Variants in SPRR2G observed in about 807,000 individuals in gnomAD.
SPRR2G encodes small proline-rich protein 2G.
A neutral mutation model predicts 0.7 loss-of-function variants in SPRR2G; 1 was observed. The observed-to-expected ratio is 1.49, with a 90% CI of 0.53 to 7.06. The LOEUF is 7.06. Ranked by LOEUF, SPRR2G falls within the 30% of genes most tolerant of loss-of-function variation. The pLI is 0.14. For synonymous variants in SPRR2G, 38 were observed against 33.9 expected (o/e 1.12, Z -0.42); for missense variants, 96 against 88.5 (o/e 1.09, Z -0.34).
chr1:153,159,335 C>A, the SPRR2G span, among the ~76,000 whole-genome samples: 1 of 152,194 alleles, frequency 6.6e-6, no homozygotes, highest in African/African-American at 2.4e-5. Context: ...AGCATAGCAG[C>A]AGTGACCTTT....
the SPRR2G span, among the ~76,000 whole-genome samples, chr1:153,177,147 G>T: frequency 6.6e-6 from 1 of 152,162 alleles, no homozygotes; most frequent in Non-Finnish European, 1.5e-5. Context: ...GCTAAACATA[G>T]TGTCTTGATA....
Position 153,149,722 on chromosome 1 carries a change from C to A in SPRR2G, c.*167G>T. On this transcript the variant is annotated 3_prime_UTR_variant, in exon 2 of 2. Coordinates refer to ENST00000368748, the MANE Select transcript of SPRR2G (RefSeq NM_001014291.4). ...GATCTGGCTGCTCATCTTCCAACAACATATCGGTTTTCAGAACTAAGCCTT... is the reference window on the plus strand; with the variant it reads ...GATCTGGCTGCTCATCTTCCAACAAAATATCGGTTTTCAGAACTAAGCCTT... 3 of 844,236 alleles carry A rather than the reference C, an allele frequency of 3.6e-6. No individual in the cohort carries two copies. Among genetic ancestry groups the A allele is most frequent in the Admixed American group, 2.3e-5 (1 of 44,200 alleles). The allele number at this position is 844,236 out of a possible 1,614,324, so 52.3% of individuals were successfully genotyped here.
chr1:153,170,050 A>T, the SPRR2G span, among the ~76,000 whole-genome samples: 6 of 152,334 alleles, frequency 3.9e-5, no homozygotes, highest in African/African-American at 1.2e-4. Flanking sequence ...CATGATTTTA[A>T]GTTACAAAGT....
At chr1:153,197,523 T>C in the SPRR2G span, among the ~76,000 whole-genome samples, 2 of 152,202 alleles carry the variant, frequency 1.3e-5, no homozygotes, top group Admixed American at 1.3e-4. Flanking sequence ...CATTCATTTA[T>C]TTCCCAAATA....
At chr1:153,203,228 A>G in the SPRR2G span, among the ~76,000 whole-genome samples, 2 of 152,052 alleles carry the variant, frequency 1.3e-5, no homozygotes, top group Admixed American at 6.5e-5. Context: ...TCTTCACTGC[A>G]GCCTCATTTT....
At chr1:153,185,901 C>G in the SPRR2G span, among the ~76,000 whole-genome samples, 1 of 152,132 alleles carries the variant, frequency 6.6e-6, no homozygotes, top group Admixed American at 6.6e-5. Context: ...CCCAGAGATT[C>G]TGGTACATTG....
the SPRR2G span, among the ~76,000 whole-genome samples, chr1:153,197,092 C>T: frequency 2.0e-5 from 3 of 151,480 alleles, no homozygotes; most frequent in Non-Finnish European, 4.4e-5. Flanking sequence ...CATCCTGTGT[C>T]CTCCCCAGTT....
At chr1:153,162,999 C>T in the SPRR2G span, among the ~76,000 whole-genome samples, 3 of 152,122 alleles carry the variant, frequency 2.0e-5, no homozygotes, top group Non-Finnish European at 4.4e-5. Context: ...ATTAGCAGGT[C>T]CAGTGATAAT....
the SPRR2G span, among the ~76,000 whole-genome samples, chr1:153,202,881 A>G: frequency 6.6e-6 from 1 of 151,874 alleles, no homozygotes; most frequent in Non-Finnish European, 1.5e-5. Context: ...ACACACCCCC[A>G]TTCCAACCAC....
chr1:153,165,540 T>C, the SPRR2G span, among the ~76,000 whole-genome samples: 1 of 152,162 alleles, frequency 6.6e-6, no homozygotes, highest in Admixed American at 6.5e-5. Flanking sequence ...GGACCATTGT[T>C]CTAACACAAA....
At chr1:153,186,174 G>C in the SPRR2G span, among the ~76,000 whole-genome samples, 1 of 152,158 alleles carries the variant, frequency 6.6e-6, no homozygotes, top group African/African-American at 2.4e-5. Context: ...GTGGTGCTGA[G>C]AGGAATGTAC....
chr1:153,187,619 C>G, the SPRR2G span, among the ~76,000 whole-genome samples: 1 of 152,058 alleles, frequency 6.6e-6, no homozygotes, highest in East Asian at 1.9e-4. Context: ...TATCAAGGTT[C>G]TTAGCTTTCT....
At chr1:153,171,157 A>G in the SPRR2G span, among the ~76,000 whole-genome samples, 1 of 152,074 alleles carries the variant, frequency 6.6e-6, no homozygotes, top group African/African-American at 2.4e-5. Context: ...AAACTCTCTC[A>G]TCTTCATTGG....
At chr1:153,199,948 G>GA in the SPRR2G span, among the ~76,000 whole-genome samples, 1 of 151,850 alleles carries the variant, frequency 6.6e-6, no homozygotes. Context: ...CAGAGAGATA[G>GA]AAAAAGGCAT....
the SPRR2G span, among the ~76,000 whole-genome samples, chr1:153,177,161 A>G: frequency 6.6e-6 from 1 of 152,220 alleles, no homozygotes; most frequent in African/African-American, 2.4e-5. Flanking sequence ...CTTGATACAC[A>G]TCAAATTCCT....
chr1:153,155,792 G>A (rs1465190243), upstream of SPRR2G, among the ~76,000 whole-genome samples: 4 of 152,042 alleles, frequency 2.6e-5, no homozygotes, highest in Non-Finnish European at 5.9e-5. Context: ...CCTGTAATAT[G>A]CCATATTATT....
chr1:153,175,463 G>A, the SPRR2G span, among the ~76,000 whole-genome samples: 3 of 152,080 alleles, frequency 2.0e-5, no homozygotes, highest in Non-Finnish European at 4.4e-5. Context: ...CTCTATTCCC[G>A]ATATGTGCCA....
At chr1:153,174,078 T>C in the SPRR2G span, among the ~76,000 whole-genome samples, 1 of 152,218 alleles carries the variant, frequency 6.6e-6, no homozygotes, top group Admixed American at 6.5e-5. Context: ...ATTTCTCTTA[T>C]ATGTTGACAA....
chr1:153,189,439 A>G, the SPRR2G span, among the ~76,000 whole-genome samples: 3 of 151,874 alleles, frequency 2.0e-5, no homozygotes, highest in Non-Finnish European at 4.4e-5. Context: ...AAATATACTT[A>G]TATTTTATAG....
Sources: allele counts gnomAD v4.1 joint callset (sites outside exome capture counted in the v4.1 genomes callset), GRCh38; gene constraint gnomAD v4.1.1; transcripts MANE v1.5; gene names NCBI Gene and HGNC (gene_info 2026-07-23, HGNC 2026-07-21).